The following FAM135B variants were observed in gnomAD, a reference collection of about 807,000 sequenced individuals.
FAM135B encodes the protein family with sequence similarity 135 member B.
In FAM135B, 43 loss-of-function variants were observed where a neutral mutation model predicts 127.7. That is an observed-to-expected ratio of 0.34 (90% CI 0.26 to 0.43). The LOEUF (loss-of-function observed/expected upper bound fraction) is 0.43, where lower values mean the gene tolerates loss of function less well. Ranked by LOEUF, FAM135B falls within the 20% of genes least tolerant of loss-of-function variation. The probability of loss-of-function intolerance (pLI) is 1.00; values close to 1 mark genes in which losing one functional copy is unlikely to be tolerated. For synonymous variants in FAM135B, 670 were observed against 665.1 expected, an observed-to-expected ratio of 1.01 and a Z score of -0.11; for missense variants, 1,558 against 1,725.6, an observed-to-expected ratio of 0.90 and a Z score of 1.72.
At chr8:138,191,000 C>T (rs544759435) in intron 9 of FAM135B, among the ~76,000 whole-genome samples, 209 of 152,322 alleles carry the variant, frequency 1.4e-3, no homozygotes, top group African/African-American at 4.8e-3. Flanking sequence ...CCACCTTGGG[C>T]ACGTGTTCTC....
chr8:138,277,571 TG>T (rs1823929293), intron 3 of FAM135B, among the ~76,000 whole-genome samples: 1 of 152,226 alleles, frequency 6.6e-6, no homozygotes, highest in African/African-American at 2.4e-5. Flanking sequence ...AACTTCTGCA[TG>T]TAAGCCCCTT....
At chr8:138,273,965 C>T (rs1397262802) in intron 3 of FAM135B, among the ~76,000 whole-genome samples, 1 of 152,192 alleles carries the variant, frequency 6.6e-6, no homozygotes, top group African/African-American at 2.4e-5. Context: ...CCCTATCTCT[C>T]TCCTGAGTGG....
intron 1 of FAM135B, among the ~76,000 whole-genome samples, chr8:138,494,768 G>A (rs1157607710): frequency 1.3e-5 from 2 of 151,176 alleles, no homozygotes; most frequent in South Asian, 2.1e-4. Flanking sequence ...TCCTGCCCAC[G>A]AGAAACCCAC....
At chr8:138,314,219 C>A (rs1365127640) in intron 2 of FAM135B, among the ~76,000 whole-genome samples, 1 of 152,136 alleles carries the variant, frequency 6.6e-6, no homozygotes, top group Admixed American at 6.5e-5. Flanking sequence ...AACAGAAACA[C>A]ATAAAACAAG....
intron 2 of FAM135B, among the ~76,000 whole-genome samples, chr8:138,339,337 T>A (rs952758739): frequency 4.3e-5 from 6 of 139,750 alleles, no homozygotes; most frequent in African/African-American, 1.6e-4. Context: ...GTCAGTTGCA[T>A]CCTGTTTAAA....
intron 1 of FAM135B, among the ~76,000 whole-genome samples, chr8:138,413,147 T>G (rs1197766150): frequency 1.3e-5 from 2 of 152,216 alleles, no homozygotes; most frequent in Admixed American, 6.5e-5. Flanking sequence ...GATAACAAAA[T>G]GGAAGACACA....
At chr8:138,163,375 G>A (rs1487815808) in intron 12 of FAM135B, among the ~76,000 whole-genome samples, 3 of 152,128 alleles carry the variant, frequency 2.0e-5, no homozygotes, top group Non-Finnish European at 2.9e-5. Flanking sequence ...AGATATTGCA[G>A]CGTGCCTGGC....
intron 1 of FAM135B, among the ~76,000 whole-genome samples, chr8:138,410,333 TCGATGC>T (rs1221915093): frequency 1.3e-5 from 2 of 152,288 alleles, no homozygotes; most frequent in East Asian, 3.9e-4. Flanking sequence ...GTTCCTGGTG[TCGATGC>T]CCTTGTGTGA....
intron 1 of FAM135B, among the ~76,000 whole-genome samples, chr8:138,379,266 G>A (rs1479014409): frequency 3.9e-5 from 6 of 152,050 alleles, no homozygotes; most frequent in African/African-American, 9.7e-5. Context: ...ACCATTTTAC[G>A]GGTTACCCTA....
At chr8:138,263,823 C>T (rs1462892915) in intron 4 of FAM135B, among the ~76,000 whole-genome samples, 1 of 152,142 alleles carries the variant, frequency 6.6e-6, no homozygotes, top group Admixed American at 6.5e-5. Context: ...TCATTCACTC[C>T]ATGTTGGGTA....
chr8:138,273,535 T>C (rs924318550), intron 3 of FAM135B, among the ~76,000 whole-genome samples: 1 of 152,152 alleles, frequency 6.6e-6, no homozygotes, highest in African/African-American at 2.4e-5. Flanking sequence ...TTTGACACTA[T>C]GAAGAAAGCA....
At chr8:138,449,384 G>A (rs1277823429) in intron 1 of FAM135B, among the ~76,000 whole-genome samples, 3 of 152,104 alleles carry the variant, frequency 2.0e-5, no homozygotes, top group South Asian at 2.1e-4. Context: ...CCAGAGAGAG[G>A]AGCCCACAGG....
chr8:138,213,255 A>T (rs1000472731), intron 7 of FAM135B, among the ~76,000 whole-genome samples: 1 of 152,350 alleles, frequency 6.6e-6, no homozygotes. Context: ...CTTAGAATAA[A>T]TTAAATGACT....
At chr8:138,318,753 AT>A (rs1270450861) in intron 2 of FAM135B, among the ~76,000 whole-genome samples, 1 of 152,216 alleles carries the variant, frequency 6.6e-6, no homozygotes, top group Non-Finnish European at 1.5e-5. Flanking sequence ...ATGCTACTGA[AT>A]CTTACTTCAA....
At chr8:138,398,752 A>T (rs1407494355) in intron 1 of FAM135B, among the ~76,000 whole-genome samples, 3 of 152,222 alleles carry the variant, frequency 2.0e-5, no homozygotes, top group South Asian at 2.1e-4. Context: ...TGATGAAAAG[A>T]TGTTGAAATA....
intron 11 of FAM135B, among the ~76,000 whole-genome samples, chr8:138,170,639 C>T (rs1192483941): frequency 1.3e-5 from 2 of 152,106 alleles, no homozygotes; most frequent in African/African-American, 4.8e-5. Context: ...TTATGTGATT[C>T]CCTATATAGC....
At chr8:138,262,515 T>A (rs1331282653) in intron 4 of FAM135B, among the ~76,000 whole-genome samples, 2 of 151,940 alleles carry the variant, frequency 1.3e-5, no homozygotes, top group Admixed American at 1.3e-4. Flanking sequence ...TTAACTTGAG[T>A]CCAGGAAGGA....
At chr8:138,245,276 C>A (rs1322633847) in intron 6 of FAM135B, among the ~76,000 whole-genome samples, 1 of 152,140 alleles carries the variant, frequency 6.6e-6, no homozygotes, top group Admixed American at 6.5e-5. Context: ...GTATCAGGGA[C>A]CCCATTATAA....
rs981755412 is a variant in FAM135B at position 138,130,218 on chromosome 8, T to G, written c.*2375A>C. On this transcript the variant is annotated 3_prime_UTR_variant, in exon 20 of 20. Transcript: ENST00000395297. ...TATATATTTATATATATTTTATGTA[T>G]ATATATTTATATATTCGATATCTAT... The G allele has an allele frequency of 6.7e-6, 1 of 149,726 alleles. No individual in the cohort carries two copies. Among genetic ancestry groups the G allele is most frequent in the African/African-American group, 2.4e-5 (1 of 41,032 alleles). The allele number at this position is 149,726 out of a possible 1,614,324, so 9.3% of individuals were successfully genotyped here. A position where few individuals can be genotyped will look rare whatever the true frequency, so the allele number is the denominator to read the frequency against.
Sources: gnomAD v4.1 joint callset for allele counts (sites outside exome capture counted in the v4.1 genomes callset) on GRCh38, gnomAD v4.1.1 for gene constraint, MANE v1.5 for transcripts, NCBI Gene and HGNC (gene_info 2026-07-23, HGNC 2026-07-21) for gene names.